Variants in MEIS1 observed in about 807,000 individuals in gnomAD.
MEIS1 encodes homeobox protein Meis1.
MEIS1 carries 5 observed loss-of-function variants against 50.8 expected under a neutral mutation model. The observed-to-expected ratio is 0.10, with a 90% confidence interval of 0.05 to 0.21. The LOEUF (loss-of-function observed/expected upper bound fraction) is 0.21, where lower values mean the gene tolerates loss of function less well. Among genes scored for constraint, MEIS1 ranks in the 10% least tolerant of loss-of-function variants. The probability of loss-of-function intolerance (pLI) is 1.00; values close to 1 mark genes in which losing one functional copy is unlikely to be tolerated. For synonymous variants in MEIS1, 176 were observed against 179.3 expected, an observed-to-expected ratio of 0.98 and a Z score of 0.15; for missense variants, 318 against 517.3, an observed-to-expected ratio of 0.61 and a Z score of 3.74.
At chr2:66,475,965 A>G (rs557590273) in intron 7 of MEIS1, among the ~76,000 whole-genome samples, 93 of 152,196 alleles carry the variant, frequency 6.1e-4, no homozygotes, top group African/African-American at 2.2e-3. Flanking sequence ...TGATGCCATG[A>G]GGCCTTTCTT....
chr2:66,440,079 A>ACACACACACACACACC, intron 3 of MEIS1, 95 bp downstream of exon 3: 1 of 1,086,312 alleles, frequency 9.2e-7, no homozygotes, highest in Non-Finnish European at 1.3e-6. Flanking sequence ...ACACACACAC[A>ACACACACACACACACC]CACACACACA....
In MEIS1 at chr2:66,530,366, T is replaced by A. The variant is rs1000953546; in HGVS notation, c.889-17577T>A. Among the ~76,000 whole-genome samples, 49 of 152,208 alleles carry A rather than the reference T, an allele frequency of 3.2e-4. 1 individual carries two copies. The highest frequency in any genetic ancestry group is 1.1e-3 in the African/African-American group (47 of 41,464). ...CACATGTTAAAATGAAGGTAATAGA[T>A]GAATTCTTAGTGGTTTTCCACAGGA... On this transcript the variant is annotated intron_variant, in intron 8 of 12. Coordinates refer to ENST00000272369, the MANE Select transcript of MEIS1 (RefSeq NM_002398.3).
intron 7 of MEIS1, among the ~76,000 whole-genome samples, chr2:66,486,457 A>G (rs1208371948): frequency 6.6e-6 from 1 of 152,152 alleles, no homozygotes; most frequent in Non-Finnish European, 1.5e-5. Context: ...ATTGGTCTAT[A>G]TATCTGCTTT....
chr2:66,549,439 T>A (rs1018675199), intron 9 of MEIS1, among the ~76,000 whole-genome samples: 1 of 152,044 alleles, frequency 6.6e-6, no homozygotes. Flanking sequence ...TACTGTGTCT[T>A]AATTTTCAAG....
At chr2:66,540,117 T>C (rs1449183484) in intron 8 of MEIS1, among the ~76,000 whole-genome samples, 1 of 152,120 alleles carries the variant, frequency 6.6e-6, no homozygotes, top group Admixed American at 6.5e-5. Context: ...AGCTTCTTCA[T>C]CTGTGAAAAG....
At chr2:66,450,479 CA>C (rs1013307846) in intron 6 of MEIS1, among the ~76,000 whole-genome samples, 3 of 151,564 alleles carry the variant, frequency 2.0e-5, no homozygotes, top group South Asian at 2.1e-4. Flanking sequence ...TCATATTATT[CA>C]AAAAAAATAA....
intron 7 of MEIS1, among the ~76,000 whole-genome samples, chr2:66,510,865 A>G (rs1558544720): frequency 6.6e-6 from 1 of 152,236 alleles, no homozygotes; most frequent in Non-Finnish European, 1.5e-5. Flanking sequence ...TAATAACAGA[A>G]ATGAGAAATA....
chr2:66,449,516 G>A (rs1021093010), intron 6 of MEIS1, among the ~76,000 whole-genome samples: 26 of 152,048 alleles, frequency 1.7e-4, no homozygotes, highest in Non-Finnish European at 1.2e-4. Flanking sequence ...CAAGATTATA[G>A]GAATTTAGAG....
At chr2:66,511,462 A>G (rs931800019) in intron 7 of MEIS1, among the ~76,000 whole-genome samples, 1 of 152,224 alleles carries the variant, frequency 6.6e-6, no homozygotes, top group Non-Finnish European at 1.5e-5. Context: ...TGCCTGAATT[A>G]TTAGTGTAAT....
At chr2:66,524,809 T>A (rs1407712108) in intron 8 of MEIS1, among the ~76,000 whole-genome samples, 1 of 152,226 alleles carries the variant, frequency 6.6e-6, no homozygotes, top group African/African-American at 2.4e-5. Context: ...TCTGGAGTTT[T>A]AACTGAGGTA....
intron 7 of MEIS1, among the ~76,000 whole-genome samples, chr2:66,510,989 C>T (rs751272472): frequency 1.1e-4 from 16 of 152,110 alleles, no homozygotes; most frequent in Admixed American, 9.2e-4. Context: ...CTTATTTAAC[C>T]CAGTGAATGT....
rs1295927813 is a variant in MEIS1 at position 66,503,734 on chromosome 2, GCA to G, written c.743-8414_743-8413del. Among the ~76,000 whole-genome samples the G allele has an allele frequency of 3.5e-5, 5 of 141,506 alleles. No homozygotes were observed. The East Asian group carries it at 1.1e-3, about 30-fold the overall frequency. The allele number at this position is 141,506 out of a possible 152,430, so 92.8% of individuals were successfully genotyped here. On this transcript the variant is annotated intron_variant, in intron 7 of 12. Transcript: ENST00000272369. ...TGCAAAAGATGGTTACATATATGGGGCATTTTTTTTTTTTTTTTTTTTTTTTT... is the reference window on the plus strand; with the variant it reads ...TGCAAAAGATGGTTACATATATGGGGTTTTTTTTTTTTTTTTTTTTTTTTT...
At chr2:66,442,168 CTG>C (rs1292492800) in intron 5 of MEIS1, among the ~76,000 whole-genome samples, 1 of 151,188 alleles carries the variant, frequency 6.6e-6, no homozygotes, top group East Asian at 1.9e-4. Flanking sequence ...TGCAAGCACA[CTG>C]GGGTTTCTTG....
intron 8 of MEIS1, among the ~76,000 whole-genome samples, chr2:66,521,786 C>G (rs1039637427): frequency 2.0e-5 from 3 of 152,146 alleles, no homozygotes; most frequent in African/African-American, 7.2e-5. Context: ...TCTCCCTGTG[C>G]GTATAATGCT....
intron 8 of MEIS1, among the ~76,000 whole-genome samples, chr2:66,543,563 G>A (rs1317627006): frequency 6.6e-6 from 1 of 152,170 alleles, no homozygotes; most frequent in African/African-American, 2.4e-5. Context: ...GGAGGGGCCA[G>A]CTTTACCCAT....
At position 66,454,180 on chromosome 2, in the gene MEIS1, G is replaced by A. The variant is rs1216087018; in HGVS notation, c.631-9929G>A. ...ATTTAGAGTAGTAAATCCCCAATGAGCACTTCATTACATTATATTTTATCT... is the reference window on the plus strand; with the variant it reads ...ATTTAGAGTAGTAAATCCCCAATGAACACTTCATTACATTATATTTTATCT... On this transcript the variant is annotated intron_variant, in intron 6 of 12. Coordinates refer to ENST00000272369, the MANE Select transcript of MEIS1 (RefSeq NM_002398.3). Among the ~76,000 whole-genome samples, 10 of 152,136 alleles carry A rather than the reference G, an allele frequency of 6.6e-5. No individual in the cohort carries two copies. The East Asian group carries it at 1.7e-3, about 26-fold the overall frequency.
At chr2:66,466,223 A>G (rs747643664) in intron 7 of MEIS1, among the ~76,000 whole-genome samples, 13 of 152,126 alleles carry the variant, frequency 8.5e-5, no homozygotes, top group Admixed American at 3.9e-4. Flanking sequence ...CAGTTTCCCA[A>G]TTACTTAAAT....
At chr2:66,570,991 C>A in intron 12 of MEIS1, 3 of 417,298 alleles carry the variant, frequency 7.2e-6, no homozygotes, top group East Asian at 1.0e-4. Flanking sequence ...CAATTTTATT[C>A]TTTTTAATAA....
chr2:66,528,933 G>A (rs1199361954), intron 8 of MEIS1, among the ~76,000 whole-genome samples: 1 of 152,104 alleles, frequency 6.6e-6, no homozygotes, highest in African/African-American at 2.4e-5. Context: ...ATGCCATGCT[G>A]CAGCCAAGCT....
Sources: allele counts gnomAD v4.1 joint callset (sites outside exome capture counted in the v4.1 genomes callset), GRCh38; gene constraint gnomAD v4.1.1; transcripts MANE v1.5; gene names NCBI Gene and HGNC (gene_info 2026-07-23, HGNC 2026-07-21).